The following KDELR3 variants were observed in gnomAD, a reference collection of about 807,000 sequenced individuals.
KDELR3 encodes the protein ER lumen protein-retaining receptor 3.
Under a neutral mutation model 22.7 loss-of-function variants are expected in KDELR3, and 26 were observed. The ratio of observed to expected loss-of-function variants is 1.15; its 90% CI spans 0.84 to 1.59. The LOEUF is 1.59. KDELR3 is among the 40% of genes most tolerant of loss of function. The pLI, the probability that KDELR3 is intolerant of heterozygous loss-of-function variation, is 0.00. For missense variants in KDELR3, 289 were observed against 251.1 expected, an observed-to-expected ratio of 1.15 and a Z score of -1.02; for synonymous variants, 120 against 98.2, an observed-to-expected ratio of 1.22 and a Z score of -1.31.
chr22:38,474,946 G>A (rs888260325), intron 2 of KDELR3, among the ~76,000 whole-genome samples: 1 of 151,822 alleles, frequency 6.6e-6, no homozygotes, highest in Non-Finnish European at 1.5e-5. Flanking sequence ...CGGGCGTGGT[G>A]GCTCATGCCT....
chr22:38,481,406 GTCTGGAGTAGTACAAAC>G lies in KDELR3; in HGVS notation c.547_563del (p.Ser183HisfsTer5). 1 of 1,614,204 alleles carries G rather than the reference GTCTGGAGTAGTACAAAC, an allele frequency of 6.2e-7. No homozygotes were observed. The highest frequency in any genetic ancestry group is 1.1e-5 in the South Asian group (1 of 91,088). The stretch of plus-strand genomic sequence containing the variant: ...ATTTCTATGACCAAATTGCAGTCGT[GTCTGGAGTAGTACAAAC>G]CATCTTCTACTGTGACTTCTTCTAC... On this transcript the variant is annotated frameshift_variant, in exon 4 of 5. Transcript: ENST00000216014. LOFTEE classifies it high-confidence loss of function.
In KDELR3 at chr22:38,478,534, C is replaced by CAAAA. The variant is rs138431; in HGVS notation, c.193-1045_193-1042dup. Among the ~76,000 whole-genome samples, 3 of 71,588 alleles carry CAAAA rather than the reference C, an allele frequency of 4.2e-5. No homozygotes were observed. The East Asian group carries it at 1.3e-3, about 30-fold the overall frequency. The allele number at this position is 71,588 out of a possible 152,430, so 47.0% of individuals were successfully genotyped here. ...TGGGCGACAGAGCGAGACTCCATCTCAAAAAAAAAAAAAAAAAGGAAGAAC... is the reference window on the plus strand; with the variant it reads ...TGGGCGACAGAGCGAGACTCCATCTCAAAAAAAAAAAAAAAAAAAAAGGAAGAAC... On this transcript the variant is annotated intron_variant, in intron 2 of 4. Transcript: ENST00000216014.
chr22:38,475,893 C>T (rs560748744), intron 2 of KDELR3, among the ~76,000 whole-genome samples: 1 of 152,298 alleles, frequency 6.6e-6, no homozygotes, highest in South Asian at 2.1e-4. Flanking sequence ...CTCGACCTCC[C>T]AAAGTGCTGG....
chr22:38,471,287 C>T (rs1415584310), intron 1 of KDELR3, among the ~76,000 whole-genome samples: 3 of 152,182 alleles, frequency 2.0e-5, no homozygotes, highest in African/African-American at 7.2e-5. Context: ...GGTGACCAAG[C>T]GTCCCCCACC....
At chr22:38,472,769 G>A (rs571511979) in intron 1 of KDELR3, among the ~76,000 whole-genome samples, 8 of 151,936 alleles carry the variant, frequency 5.3e-5, no homozygotes, top group South Asian at 4.2e-4. Context: ...GCACGATCTC[G>A]GCTCACTGCA....
In KDELR3 at chr22:38,482,604, C is replaced by A; in HGVS notation, c.*68C>A. 1.5e-6 allele frequency: 2 copies of A among 1,348,302 alleles called. No individual in the cohort carries two copies. Among genetic ancestry groups the A allele is most frequent in the Non-Finnish European group, 2.1e-6 (2 of 945,732 alleles). 83.5% of individuals were successfully genotyped at this position (1,348,302 alleles called of 1,614,324 possible). On this transcript the variant is annotated 3_prime_UTR_variant, in exon 5 of 5. Coordinates refer to ENST00000216014, the MANE Select transcript of KDELR3 (RefSeq NM_006855.4). ...AAACTATTTTGAATGTTCTCTTTGG[C>A]AACTTATCCATAATTTGGGATCAAA... is the stretch of plus-strand genomic sequence containing the variant.
intron 3 of KDELR3, 78 bp downstream of exon 3, chr22:38,479,829 C>T (rs2089587000): frequency 3.0e-6 from 4 of 1,352,880 alleles, no homozygotes; most frequent in Non-Finnish European, 3.1e-6. Context: ...CTGGGCTTGC[C>T]TTCTGCTTAC....
chr22:38,479,614 T>C lies in KDELR3; in HGVS notation c.214T>C (p.Tyr72His). 4 of 1,613,886 alleles carry C rather than the reference T, an allele frequency of 2.5e-6. No individual in the cohort carries two copies. Among genetic ancestry groups the C allele is most frequent in the Non-Finnish European group, 3.4e-6 (4 of 1,179,732 alleles). The change falls in exon 3 of 5, where the codon TAT becomes CAT. Residue 72 changes from tyrosine to histidine, a missense_variant. Physicochemically the swap from Tyr to His is moderately conservative, Grantham distance 83. Transcript: ENST00000216014. ...TTAGGTGGTTTTTCTCCTCTGTGCC[T>C]ATGTTACAGTGTACATGATATATGG... ...VMKVVFLLCA[Y>H]VTVYMIYGKF...
chr22:38,474,824 C>T (rs2089547477), intron 2 of KDELR3, among the ~76,000 whole-genome samples: 1 of 152,034 alleles, frequency 6.6e-6, no homozygotes, highest in African/African-American at 2.4e-5. Flanking sequence ...GGGCTGGGCA[C>T]TGTGGCTCAT....
At position 38,469,559 on chromosome 22, in the gene KDELR3, G is replaced by A. The variant is rs547620914; in HGVS notation, c.91+1235G>A. Among the ~76,000 whole-genome samples the A allele has an allele frequency of 3.9e-5, 6 of 152,218 alleles. No homozygotes were observed. The South Asian group carries it at 1.2e-3, about 32-fold the overall frequency. ...GGGTTTGGGGTCTCTGGAGAGACAG[G>A]TACAGAGACAGTTCAGGTTCTTCCT... On this transcript the variant is annotated intron_variant, in intron 1 of 4. Coordinates refer to ENST00000216014, the MANE Select transcript of KDELR3 (RefSeq NM_006855.4).
At chr22:38,477,647 C>T (rs1474139449) in intron 2 of KDELR3, among the ~76,000 whole-genome samples, 1 of 152,172 alleles carries the variant, frequency 6.6e-6, no homozygotes, top group Non-Finnish European at 1.5e-5. Flanking sequence ...TCAGAGACAT[C>T]CCTTTGGGAT....
rs1325513902 is a variant in KDELR3, at chr22:38,483,349, A to G, written c.*813A>G. 1 of 152,198 alleles carries G rather than the reference A, an allele frequency of 6.6e-6. No homozygotes were observed. Among genetic ancestry groups the G allele is most frequent in the African/African-American group, 2.4e-5 (1 of 41,442 alleles). The allele number at this position is 152,198 out of a possible 1,614,324, so 9.4% of individuals were successfully genotyped here. A position where few individuals can be genotyped will look rare whatever the true frequency, so the allele number is the denominator to read the frequency against. ...AGGTGCGAAAGTAATCAGTCAATCCAATATCCCCCATCTTTGTCTTGAAAC... is the reference window on the plus strand; with the variant it reads ...AGGTGCGAAAGTAATCAGTCAATCCGATATCCCCCATCTTTGTCTTGAAAC... On this transcript the variant is annotated 3_prime_UTR_variant, in exon 5 of 5. Transcript: ENST00000216014.
At chr22:38,479,992 C>T (rs888027411) in intron 3 of KDELR3, among the ~76,000 whole-genome samples, 2 of 152,188 alleles carry the variant, frequency 1.3e-5, no homozygotes, top group African/African-American at 4.8e-5. Context: ...GCTGTTGAGA[C>T]GTTCTGTTCA....
In KDELR3 at chr22:38,475,995, C is replaced by T. The variant is rs117978113; in HGVS notation, c.192+1372C>T. 1.1e-4 allele frequency among the ~76,000 whole-genome samples: 17 copies of T among 152,220 alleles called. No homozygotes were observed. The East Asian group carries it at 3.3e-3, about 29-fold the overall frequency. ...GAATCTTATTTCTTGTGCAGTGGTGCGATCATGGCTCACTGCCTCAACTTC... is the reference window on the plus strand; with the variant it reads ...GAATCTTATTTCTTGTGCAGTGGTGTGATCATGGCTCACTGCCTCAACTTC... On this transcript the variant is annotated intron_variant, in intron 2 of 4. Transcript: ENST00000216014.
At chr22:38,478,412 G>C (rs970520154) in intron 2 of KDELR3, among the ~76,000 whole-genome samples, 6 of 151,152 alleles carry the variant, frequency 4.0e-5, no homozygotes, top group African/African-American at 1.5e-4. Context: ...GTGCACGCCT[G>C]TAATCCCAGC....
intron 1 of KDELR3, among the ~76,000 whole-genome samples, chr22:38,470,874 T>C (rs948593640): frequency 3.9e-5 from 6 of 152,286 alleles, no homozygotes; most frequent in African/African-American, 1.4e-4. Context: ...CTGGGCACAG[T>C]GGCTCACACC....
chr22:38,481,682 T>A, intron 4 of KDELR3: 1 of 1,370,530 alleles, frequency 7.3e-7, no homozygotes. Flanking sequence ...AGCTGTGAGA[T>A]GACATTTGAC....
At position 38,482,674 on chromosome 22, in the gene KDELR3, G is replaced by T. The variant is rs2089613043; in HGVS notation, c.*138G>T. On this transcript the variant is annotated 3_prime_UTR_variant, in exon 5 of 5. Transcript: ENST00000216014. ...TTTAGTGTGGATTTCAGCAAAACCTGATCATCCCACCCAGAAGACCTTCTC... is the reference window on the plus strand; with the variant it reads ...TTTAGTGTGGATTTCAGCAAAACCTTATCATCCCACCCAGAAGACCTTCTC... The T allele has an allele frequency of 1.4e-6, 1 of 733,372 alleles. No individual in the cohort carries two copies. The allele number at this position is 733,372 out of a possible 1,614,324, so 45.4% of individuals were successfully genotyped here.
rs201816064 is a variant in KDELR3, at chr22:38,479,681, G to A, written c.281G>A (p.Arg94His). 9 of 1,613,906 alleles carry A rather than the reference G, an allele frequency of 5.6e-6. No homozygotes were observed. Among genetic ancestry groups the A allele is most frequent in the East Asian group, 4.5e-5 (2 of 44,904 alleles). Reference protein sequence around the residue: ...KTFDSENDTFRLEFLLVPVIG... With the variant: ...KTFDSENDTFHLEFLLVPVIG... The stretch of plus-strand genomic sequence containing the variant: ...TTTGACAGTGAGAATGACACATTCC[G>A]CCTGGAGTTTCTTCTGGTCCCAGTC... Residue 94 changes from arginine (R) to histidine (H), a missense_variant, in exon 3 of 5, where the codon CGC becomes CAC. Arg to His is a conservative substitution (Grantham distance 29). Coordinates refer to ENST00000216014, the MANE Select transcript of KDELR3 (RefSeq NM_006855.4).
Sources: gnomAD v4.1 joint callset for allele counts (sites outside exome capture counted in the v4.1 genomes callset) on GRCh38, gnomAD v4.1.1 for gene constraint, MANE v1.5 for transcripts, NCBI Gene and HGNC (gene_info 2026-07-23, HGNC 2026-07-21) for gene names.